Variants in SMAD7 observed in about 807,000 individuals in gnomAD.
The protein encoded by SMAD7 is MAD (mothers against decapentaplegic, Drosophila) homolog 7.
A neutral mutation model predicts 38.7 loss-of-function variants in SMAD7; 8 were observed. The observed-to-expected ratio is 0.21, with a 90% CI of 0.12 to 0.37. SMAD7 has a LOEUF of 0.37. Ranked by LOEUF, SMAD7 falls within the 10% of genes least tolerant of loss-of-function variation. SMAD7 has a pLI of 1.00. For synonymous variants in SMAD7, 327 were observed against 265.1 expected (o/e 1.23, Z -2.27); for missense variants, 477 against 577.9 (o/e 0.83, Z 1.79).
Position 48,930,351 on chromosome 18 carries a change from C to T in SMAD7, c.743-8441G>A, listed in dbSNP as rs57668004. On this transcript the variant is annotated intron_variant, in intron 3 of 3. Transcript: ENST00000262158. ...GCACCCAGGACCTCCCAGACCCAAG[C>T]CCCCACTCCCTCTGGCGGGTCCTCC... Among the ~76,000 whole-genome samples the T allele has an allele frequency of 0.012, 1,763 of 152,266 alleles. 80 individuals are homozygous for T. In the East Asian group the frequency reaches 0.12, roughly 11 times the overall value.
At position 48,921,942 on chromosome 18, in the gene SMAD7, G is replaced by C. The variant is rs371199046; in HGVS notation, c.743-32C>G. 44 of 1,547,460 alleles carry C rather than the reference G, an allele frequency of 2.8e-5. No homozygotes were observed. The African/African-American group carries it at 3.7e-4, about 13-fold the overall frequency. On this transcript the variant is annotated intron_variant, in intron 3 of 3. Coordinates refer to ENST00000262158, the MANE Select transcript of SMAD7 (RefSeq NM_005904.4). This position sits in a 1 kb window ranked among gnomAD's most constrained non-coding sequence, Gnocchi z 6.4. Reference sequence around the variant, plus strand: ...AACACATTGGCAGAGAGGGTTAGTGGGGACAGGCATTGGTGACTCCTAGAA... The same window carrying C: ...AACACATTGGCAGAGAGGGTTAGTGCGGACAGGCATTGGTGACTCCTAGAA...
chr18:48,921,558 G>A lies in SMAD7; in HGVS notation c.1095C>T (p.Ser365=), dbSNP rs752133500. The change falls in exon 4 of 4, where the codon TCC becomes TCT. Residue 365 remains serine, a synonymous_variant. Coordinates refer to ENST00000262158, the MANE Select transcript of SMAD7 (RefSeq NM_005904.4). This position sits in a 1 kb window ranked among gnomAD's most constrained non-coding sequence, Gnocchi z 6.4. The part of the protein sequence containing the change: ...LLVHKVFPGF[S]IKAFDYEKAY... Reference sequence around the variant, plus strand: ...CCTTCTCGTAGTCGAAAGCCTTGATGGAGAAACCGGGGAACACCTTGTGTA... The same window carrying A: ...CCTTCTCGTAGTCGAAAGCCTTGATAGAGAAACCGGGGAACACCTTGTGTA... 7 of 1,614,252 alleles carry A rather than the reference G, an allele frequency of 4.3e-6. No homozygotes were observed. The highest frequency in any genetic ancestry group is 5.1e-6 in the Non-Finnish European group (6 of 1,180,040).
intron 3 of SMAD7, among the ~76,000 whole-genome samples, chr18:48,938,623 A>G (rs1055092021): frequency 1.3e-5 from 2 of 152,130 alleles, no homozygotes. Context: ...ATAACCTACA[A>G]CTCACAAGGG....
intron 3 of SMAD7, among the ~76,000 whole-genome samples, chr18:48,929,733 A>T (rs1377247696): frequency 6.6e-6 from 1 of 151,964 alleles, no homozygotes; most frequent in Non-Finnish European, 1.5e-5. Context: ...TGTGTGCAAG[A>T]AACCAAGCTA....
intron 2 of SMAD7, 169 bp from the exon 3 acceptor site, chr18:48,942,724 C>G (rs1265662254): frequency 1.3e-6 from 2 of 1,493,698 alleles, no homozygotes; most frequent in Non-Finnish European, 1.8e-6. Flanking sequence ...CACTGCCCAT[C>G]GTAAGACAGA....
At chr18:48,945,930 C>T (rs1599235694) in intron 2 of SMAD7, among the ~76,000 whole-genome samples, 1 of 152,162 alleles carries the variant, frequency 6.6e-6, no homozygotes, top group African/African-American at 2.4e-5. Context: ...CACAACTGGC[C>T]TCCCCTAGGT....
intron 3 of SMAD7, among the ~76,000 whole-genome samples, chr18:48,938,039 GAAT>G (rs2143796856): frequency 6.6e-6 from 1 of 152,326 alleles, no homozygotes; most frequent in East Asian, 1.9e-4. Flanking sequence ...GCCAGACAAT[GAAT>G]AATTGTTCAC....
intron 1 of SMAD7, 115 bp from the exon 2 acceptor site, chr18:48,948,552 G>T: frequency 1.5e-6 from 1 of 689,414 alleles, no homozygotes; most frequent in Non-Finnish European, 2.4e-6. Context: ...GTGGGGGTTG[G>T]AGGCAGGGCC....
In SMAD7 at chr18:48,949,842, G is replaced by A; in HGVS notation, c.583C>T (p.Pro195Ser). ...TCGCAGAGTCGGCTAAGGTGATGGG[G>A]GTTGCAGCACACCAGCTCGGGGTTG... Reference protein sequence around the residue: ...KINPELVCCNPHHLSRLCELE... With the variant: ...KINPELVCCNSHHLSRLCELE... The change falls in exon 1 of 4, where the codon CCC becomes TCC. Residue 195 changes from proline to serine, a missense_variant. Physicochemically the swap from Pro to Ser is moderately conservative, Grantham distance 74 (BLOSUM62 -1). This residue lies in a region of SMAD7 where 376 missense variants were observed against 379.4 expected (regional missense o/e 0.99). Coordinates refer to ENST00000262158, the MANE Select transcript of SMAD7 (RefSeq NM_005904.4). The A allele has an allele frequency of 6.2e-7, 1 of 1,612,314 alleles. No individual in the cohort carries two copies. Among genetic ancestry groups the A allele is most frequent in the Non-Finnish European group, 8.5e-7 (1 of 1,179,178 alleles).
intron 3 of SMAD7, among the ~76,000 whole-genome samples, chr18:48,922,364 G>A (rs965335583): frequency 9.9e-5 from 15 of 152,048 alleles, no homozygotes; most frequent in Non-Finnish European, 1.8e-4. Context: ...AGAAAACCAG[G>A]ACCCAGAAAG....
At chr18:48,937,264 A>ATGTGTGTGTG (rs71165354) in intron 3 of SMAD7, among the ~76,000 whole-genome samples, 10,152 of 119,704 alleles carry the variant, frequency 0.085, 700 homozygotes, top group Middle Eastern at 0.11. Flanking sequence ...AAGTAAAGGC[A>ATGTGTGTGTG]TGTGTGTGTG....
chr18:48,922,857 G>A (rs1247546688), intron 3 of SMAD7, among the ~76,000 whole-genome samples: 1 of 151,872 alleles, frequency 6.6e-6, no homozygotes, highest in Admixed American at 6.6e-5. Context: ...GCCCCGCCCC[G>A]CTTCCCTACA....
intron 3 of SMAD7, among the ~76,000 whole-genome samples, chr18:48,922,723 G>A (rs548671925): frequency 6.6e-6 from 1 of 151,926 alleles, no homozygotes; most frequent in East Asian, 2.0e-4. Context: ...AAATAGATGC[G>A]TCCCCCTTCT....
chr18:48,943,097 T>C (rs978074931), intron 2 of SMAD7, among the ~76,000 whole-genome samples: 4 of 152,198 alleles, frequency 2.6e-5, no homozygotes, highest in Non-Finnish European at 5.9e-5. Context: ...AAATCCCAAG[T>C]AGACGCAATG....
intron 2 of SMAD7, among the ~76,000 whole-genome samples, chr18:48,947,847 C>G (rs150251483): frequency 4.1e-4 from 62 of 152,148 alleles, no homozygotes; most frequent in East Asian, 3.3e-3. Context: ...CTGAGAAAAC[C>G]CCGGGAGAGG....
intron 1 of SMAD7, 26 bp downstream of exon 1, chr18:48,949,786 T>C (rs2070239663): frequency 3.8e-6 from 6 of 1,560,004 alleles, no homozygotes; most frequent in South Asian, 2.4e-5. Flanking sequence ...CCGGAAAATG[T>C]TGGGGGTAGG....
chr18:48,948,669 G>A (rs959514088), intron 1 of SMAD7, among the ~76,000 whole-genome samples: 8 of 152,246 alleles, frequency 5.3e-5, no homozygotes, highest in African/African-American at 1.7e-4. Context: ...CAGCCGCCGC[G>A]CTCGGCTGGC....
intron 2 of SMAD7, among the ~76,000 whole-genome samples, chr18:48,944,660 C>G (rs1186875774): frequency 6.6e-6 from 1 of 152,206 alleles, no homozygotes; most frequent in African/African-American, 2.4e-5. Context: ...GAGTCCCTAC[C>G]CTCTTTCCTG....
intron 3 of SMAD7, among the ~76,000 whole-genome samples, chr18:48,941,489 CA>C (rs1280874358): frequency 6.6e-6 from 1 of 152,112 alleles, no homozygotes; most frequent in African/African-American, 2.4e-5. Flanking sequence ...GCAGGTACCC[CA>C]CAAAAAAGGG....
Sources: allele counts gnomAD v4.1 joint callset (sites outside exome capture counted in the v4.1 genomes callset), GRCh38; gene constraint gnomAD v4.1.1; regional missense constraint gnomAD v4.1.1; non-coding constraint Gnocchi (gnomAD v3.1); transcripts MANE v1.5; gene names NCBI Gene and HGNC (gene_info 2026-07-23, HGNC 2026-07-21).